XPOT: variants seen among roughly 807,000 people sequenced by gnomAD.
XPOT encodes exportin for tRNA.
A neutral mutation model predicts 128.2 loss-of-function variants in XPOT; 34 were observed. That is an observed-to-expected ratio of 0.27 (90% CI 0.20 to 0.35). XPOT has a LOEUF of 0.35. Ranked by LOEUF, XPOT falls within the 10% of genes least tolerant of loss-of-function variation. The probability of loss-of-function intolerance (pLI) is 1.00; values close to 1 mark genes in which losing one functional copy is unlikely to be tolerated. For missense variants in XPOT, 838 were observed against 1,125.3 expected, an observed-to-expected ratio of 0.74 and a Z score of 3.65; for synonymous variants, 348 against 394.3, an observed-to-expected ratio of 0.88 and a Z score of 1.39.
At chr12:64,436,928 CT>C (rs943048610) in intron 22 of XPOT, among the ~76,000 whole-genome samples, 1 of 152,128 alleles carries the variant, frequency 6.6e-6, no homozygotes, top group African/African-American at 2.4e-5. Context: ...ATCTCAAATA[CT>C]TTTTTTTAAC....
chr12:64,422,916 A>C, intron 9 of XPOT, 89 bp from the exon 10 acceptor site: 1 of 1,383,520 alleles, frequency 7.2e-7, no homozygotes, highest in Non-Finnish European at 9.9e-7. Flanking sequence ...AAAAAAAAAA[A>C]AAACCAGGTC....
chr12:64,447,104 C>G (rs1050986877), intron 24 of XPOT, among the ~76,000 whole-genome samples: 1 of 152,156 alleles, frequency 6.6e-6, no homozygotes, highest in East Asian at 1.9e-4. Context: ...TTAAAACCAT[C>G]AGATCTTGTG....
At chr12:64,406,535 AT>A (rs201759259) in intron 1 of XPOT, among the ~76,000 whole-genome samples, 2,017 of 151,562 alleles carry the variant, frequency 0.013, 54 homozygotes, top group African/African-American at 0.045. Flanking sequence ...CACCCGGCTA[AT>A]TTTTGTATTT....
intron 6 of XPOT, 40 bp from the exon 7 acceptor site, chr12:64,420,030 G>C (rs747024638): frequency 6.6e-7 from 1 of 1,510,444 alleles, no homozygotes; most frequent in Non-Finnish European, 8.8e-7. Flanking sequence ...ACATGATTTT[G>C]TAAGGTAATC....
At chr12:64,435,489 A>G (rs778204702) in intron 21 of XPOT, 138 bp from the exon 22 acceptor site, 5 of 622,372 alleles carry the variant, frequency 8.0e-6, no homozygotes, top group South Asian at 5.8e-5. Flanking sequence ...TCCTTCCTCT[A>G]TCCCTTCTCT....
At chr12:64,429,506 T>C (rs375924059) in intron 16 of XPOT, among the ~76,000 whole-genome samples, 194 of 151,728 alleles carry the variant, frequency 1.3e-3, no homozygotes, top group African/African-American at 4.4e-3. Flanking sequence ...TGCAGTGGCA[T>C]GGTCTTGACT....
chr12:64,429,019 T>C (rs1320047546), intron 16 of XPOT, among the ~76,000 whole-genome samples: 2 of 152,084 alleles, frequency 1.3e-5, no homozygotes, highest in East Asian at 3.9e-4. Flanking sequence ...CTTGAGGAAA[T>C]TGATAAAAAA....
At position 64,450,945 on chromosome 12, in the gene XPOT, A is replaced by C. The variant is rs2040407782; in HGVS notation, c.*2814A>C. Reference sequence around the variant, plus strand: ...GCCTGTGGCTCAGTTAATCACTCCCACAACTTTGAGCTGTGAGTTTTACTG... The same window carrying C: ...GCCTGTGGCTCAGTTAATCACTCCCCCAACTTTGAGCTGTGAGTTTTACTG... On this transcript the variant is annotated 3_prime_UTR_variant, in exon 25 of 25. Transcript: ENST00000332707. The C allele has an allele frequency of 1.3e-5, 2 of 152,226 alleles. No individual in the cohort carries two copies. The highest frequency in any genetic ancestry group is 6.5e-5 in the Admixed American group (1 of 15,282). The allele number at this position is 152,226 out of a possible 1,614,324, so 9.4% of individuals were successfully genotyped here.
chr12:64,425,310 G>A (rs757665912), intron 13 of XPOT, 28 bp from the exon 14 acceptor site: 2 of 1,611,268 alleles, frequency 1.2e-6, no homozygotes, highest in South Asian at 1.1e-5. Flanking sequence ...TAAATAAGAA[G>A]AGGTTTCCTA....
At chr12:64,422,374 G>A (rs2040146335) in intron 9 of XPOT, among the ~76,000 whole-genome samples, 1 of 152,132 alleles carries the variant, frequency 6.6e-6, no homozygotes, top group Non-Finnish European at 1.5e-5. Context: ...ATGCAGTGTG[G>A]AAAGGTATGA....
intron 17 of XPOT, 21 bp from the exon 18 acceptor site, chr12:64,431,517 G>A (rs1592335710): frequency 1.9e-6 from 3 of 1,605,974 alleles, no homozygotes; most frequent in Non-Finnish European, 2.6e-6. Flanking sequence ...GCATCTGATT[G>A]CCTGATTTTT....
rs1019462524 is a variant in XPOT at position 64,430,066 on chromosome 12, C to T, written c.1755C>T (p.Ser585=). The change falls in exon 17 of 25, where the codon TCC becomes TCT. Residue 585 remains serine, a synonymous_variant. Coordinates refer to ENST00000332707, the MANE Select transcript of XPOT (RefSeq NM_007235.6). Reference sequence around the variant, plus strand: ...CATTCTAGGAGAATGGCCACCAGTCCTTACTGAGCAGCGATGATCAACTTT... The same window carrying T: ...CATTCTAGGAGAATGGCCACCAGTCTTTACTGAGCAGCGATGATCAACTTT... ...ELSPPENGHQ[S]LLSSDDQLFI... is the part of the protein sequence containing the mutation. 6.3e-7 allele frequency: 1 copy of T among 1,599,352 alleles called. No homozygotes were observed. The highest frequency in any genetic ancestry group is 8.5e-7 in the Non-Finnish European group (1 of 1,174,778).
chr12:64,423,723 G>A (rs1272150694), intron 11 of XPOT, among the ~76,000 whole-genome samples: 1 of 152,044 alleles, frequency 6.6e-6, no homozygotes, highest in African/African-American at 2.4e-5. Context: ...CAAAGTGTTG[G>A]GATTATAGGT....
intron 9 of XPOT, among the ~76,000 whole-genome samples, chr12:64,422,213 T>C (rs1461455222): frequency 6.6e-6 from 1 of 152,248 alleles, no homozygotes; most frequent in Non-Finnish European, 1.5e-5. Context: ...TAGTAACTTA[T>C]CAATATGATA....
chr12:64,417,671 G>A lies in XPOT; in HGVS notation c.201-375G>A, dbSNP rs1331061374. On this transcript the variant is annotated intron_variant, in intron 4 of 24. Coordinates refer to ENST00000332707, the MANE Select transcript of XPOT (RefSeq NM_007235.6). ...CTCTCTTAGAGTTAAGTAGCTGCAT[G>A]GGCACTTGTGTTCAGAATCTCTGAC... Among the ~76,000 whole-genome samples the A allele has an allele frequency of 2.0e-5, 3 of 152,208 alleles. No individual in the cohort carries two copies. The East Asian group carries it at 5.8e-4, about 29-fold the overall frequency.
chr12:64,440,178 G>A (rs969065542), intron 23 of XPOT, among the ~76,000 whole-genome samples: 1 of 152,112 alleles, frequency 6.6e-6, no homozygotes, highest in Non-Finnish European at 1.5e-5. Context: ...CTCTGATTCT[G>A]TGAATTTGAC....
At chr12:64,422,180 T>C (rs1311901034) in intron 9 of XPOT, among the ~76,000 whole-genome samples, 4 of 152,210 alleles carry the variant, frequency 2.6e-5, no homozygotes, top group African/African-American at 9.6e-5. Context: ...CTCCATATTA[T>C]AGCATTTAGC....
At chr12:64,416,863 T>C in intron 4 of XPOT, 109 bp downstream of exon 4, 1 of 987,520 alleles carries the variant, frequency 1.0e-6, no homozygotes, top group East Asian at 2.4e-5. Context: ...AAATTCACAG[T>C]GTATATGTTA....
chr12:64,416,780 T>A, intron 4 of XPOT, 26 bp downstream of exon 4: 1 of 1,596,710 alleles, frequency 6.3e-7, no homozygotes, highest in Middle Eastern at 1.7e-4. Flanking sequence ...CTGTTTTGAC[T>A]CAGATTTGCG....
Sources: gnomAD v4.1 joint callset for allele counts (sites outside exome capture counted in the v4.1 genomes callset) on GRCh38, gnomAD v4.1.1 for gene constraint, MANE v1.5 for transcripts, NCBI Gene and HGNC (gene_info 2026-07-23, HGNC 2026-07-21) for gene names.